Variants in PADI2 observed in about 807,000 individuals in gnomAD.
PADI2 encodes protein-arginine deiminase type-2.
Under a neutral mutation model 81.1 loss-of-function variants are expected in PADI2, and 70 were observed. That is an observed-to-expected ratio of 0.86 (90% CI 0.71 to 1.05). The LOEUF is 1.05. Among genes scored for constraint, PADI2 ranks in the 50% least tolerant of loss-of-function variants. The pLI is 0.00. For missense variants in PADI2, 853 were observed against 889.9 expected (o/e 0.96, Z 0.53); for synonymous variants, 338 against 358.0 (o/e 0.94, Z 0.63).
chr1:17,119,436 C>T lies in PADI2; in HGVS notation c.-65G>A. Reference sequence around the variant, plus strand: ...GCCGGGAGCACCTGCAGCAGGTGCGCCTTCTCCAGCAGCCTGCGCCCCACG... The same window carrying T: ...GCCGGGAGCACCTGCAGCAGGTGCGTCTTCTCCAGCAGCCTGCGCCCCACG... On this transcript the variant is annotated 5_prime_UTR_variant, in exon 1 of 16. Coordinates refer to ENST00000375486, the MANE Select transcript of PADI2 (RefSeq NM_007365.3). This position sits in a 1 kb window ranked among gnomAD's most constrained non-coding sequence, Gnocchi z 4.8. 8.0e-7 allele frequency: 1 copy of T among 1,248,816 alleles called. No individual in the cohort carries two copies. The highest frequency in any genetic ancestry group is 1.1e-6 in the Non-Finnish European group (1 of 908,074). The allele number at this position is 1,248,816 out of a possible 1,614,324, so 77.4% of individuals were successfully genotyped here. A position where few individuals can be genotyped will look rare whatever the true frequency, so the allele number is the denominator to read the frequency against.
chr1:17,103,149 C>T, intron 2 of PADI2, 90 bp from the exon 3 acceptor site: 1 of 912,748 alleles, frequency 1.1e-6, no homozygotes, highest in East Asian at 2.6e-5. Flanking sequence ...ACTGCTGTCC[C>T]TCACAGCTTG....
intron 4 of PADI2, among the ~76,000 whole-genome samples, chr1:17,094,250 G>C (rs555521907): frequency 1.3e-5 from 2 of 152,302 alleles, no homozygotes; most frequent in South Asian, 2.1e-4. Flanking sequence ...GGCTTGGAAG[G>C]CCTGGTGAAA....
At chr1:17,100,660 A>ACT in intron 3 of PADI2, among the ~76,000 whole-genome samples, 1 of 131,058 alleles carries the variant, frequency 7.6e-6, no homozygotes, top group South Asian at 2.4e-4. Context: ...TTGATAGCAA[A>ACT]TTTTTTTTTT....
chr1:17,114,123 C>T (rs1398515330), intron 1 of PADI2, among the ~76,000 whole-genome samples: 3 of 152,230 alleles, frequency 2.0e-5, no homozygotes, highest in Non-Finnish European at 4.4e-5. Flanking sequence ...TTCCTCCCAC[C>T]GTCATTCTCT....
intron 10 of PADI2, among the ~76,000 whole-genome samples, chr1:17,081,845 G>A (rs1478510274): frequency 6.6e-6 from 1 of 152,174 alleles, no homozygotes. Flanking sequence ...GAGTACAGTG[G>A]CTCACACCTG....
chr1:17,076,246 G>A (rs1226595263), intron 11 of PADI2, among the ~76,000 whole-genome samples: 1 of 151,588 alleles, frequency 6.6e-6, no homozygotes, highest in African/African-American at 2.4e-5. Context: ...ATGGAGTCTT[G>A]CTATGTTGCC....
chr1:17,072,918 C>T (rs867301011), intron 13 of PADI2, among the ~76,000 whole-genome samples: 1 of 152,098 alleles, frequency 6.6e-6, no homozygotes, highest in African/African-American at 2.4e-5. Context: ...CTTGCCAATC[C>T]AAGAACAAAC....
At chr1:17,075,319 C>T (rs559454372) in intron 12 of PADI2, 110 of 316,950 alleles carry the variant, frequency 3.5e-4, no homozygotes, top group Admixed American at 3.0e-4. Context: ...AGAGCATTAC[C>T]ACCAACACAA....
Position 17,082,608 on chromosome 1 carries a change from G to A in PADI2, c.1095C>T (p.Phe365=), listed in dbSNP as rs770951409. 1 of 1,612,106 alleles carries A rather than the reference G, an allele frequency of 6.2e-7. No individual in the cohort carries two copies. Among genetic ancestry groups the A allele is most frequent in the Non-Finnish European group, 8.5e-7 (1 of 1,179,342 alleles). ...CTCGGGGAGAGTCCAGCACCACGGG[G>A]AAGCCTTTATGGGGGGCCTCGATGT... The part of the protein sequence containing the change: ...FGYIEAPHKG[F]PVVLDSPRDG... The change falls in exon 10 of 16, where the codon TTC becomes TTT. Residue 365 remains phenylalanine, a synonymous_variant. Transcript: ENST00000375486.
intron 3 of PADI2, among the ~76,000 whole-genome samples, chr1:17,098,970 G>C (rs974332206): frequency 6.6e-6 from 1 of 152,206 alleles, no homozygotes; most frequent in Non-Finnish European, 1.5e-5. Context: ...GGGCCTCCAG[G>C]CTCCAGACGA....
In PADI2 at chr1:17,112,101, G is replaced by C. The variant is rs112127470; in HGVS notation, c.93-7040C>G. Among the ~76,000 whole-genome samples, 312 of 152,250 alleles carry C rather than the reference G, an allele frequency of 2.0e-3. 4 individuals carry two copies. Among genetic ancestry groups the C allele is most frequent in the Non-Finnish European group, 3.0e-3 (207 of 68,018 alleles). On this transcript the variant is annotated intron_variant, in intron 1 of 15. Coordinates refer to ENST00000375486, the MANE Select transcript of PADI2 (RefSeq NM_007365.3). ...TGCCCAGAATGCAGGGTGGGGGATG[G>C]ATTTCAGGAAAGCAACAGAGGAAGT...
Position 17,069,284 on chromosome 1 carries a change from C to T in PADI2, c.1765-7G>A, listed in dbSNP as rs747314891. 3.4e-5 allele frequency: 55 copies of T among 1,608,912 alleles called. No individual in the cohort carries two copies. The highest frequency in any genetic ancestry group is 3.1e-4 in the East Asian group (14 of 44,836). ...CCAGCACGATCATGTTCACCTGTGA[C>T]GGGGGATTGCGATGGCAACAGCTTC... On this transcript the variant is annotated splice_polypyrimidine_tract_variant and splice_region_variant and intron_variant, in intron 15 of 15. Transcript: ENST00000375486.
In PADI2 at chr1:17,119,299, G is replaced by T. The variant is rs571404817; in HGVS notation, c.73C>A (p.Leu25Ile). 3.2e-6 allele frequency: 5 copies of T among 1,558,626 alleles called. No homozygotes were observed. Among genetic ancestry groups the T allele is most frequent in the South Asian group, 1.2e-5 (1 of 84,550 alleles). ...GCTCACCTGTAGACATCGGTCCAGA[G>T]GTAGGTGCCCAGCACGTACACCGCC... ...VEAVYVLGTY[L>I]WTDVYSAAPA... Residue 25 changes from leucine (L) to isoleucine (I), a missense_variant, in exon 1 of 16, where the codon CTC becomes ATC. Coordinates refer to ENST00000375486, the MANE Select transcript of PADI2 (RefSeq NM_007365.3). The surrounding 1 kb of genome is among the most constrained non-coding windows in gnomAD (Gnocchi z 4.8).
chr1:17,112,952 C>A (rs939470696), intron 1 of PADI2, among the ~76,000 whole-genome samples: 5 of 152,220 alleles, frequency 3.3e-5, no homozygotes, highest in Non-Finnish European at 5.9e-5. Context: ...TGTGCCCCAA[C>A]TTCCCTGCCA....
At chr1:17,112,025 G>C (rs938699847) in intron 1 of PADI2, among the ~76,000 whole-genome samples, 3 of 152,140 alleles carry the variant, frequency 2.0e-5, no homozygotes, top group African/African-American at 7.2e-5. Context: ...TTCTAAGCAG[G>C]GGTGGCATGA....
At chr1:17,095,316 T>C (rs1930874882) in intron 4 of PADI2, among the ~76,000 whole-genome samples, 1 of 152,090 alleles carries the variant, frequency 6.6e-6, no homozygotes, top group African/African-American at 2.4e-5. Context: ...ACCACATGCC[T>C]CCTGAGAGTC....
At chr1:17,113,156 T>C (rs1029436525) in intron 1 of PADI2, among the ~76,000 whole-genome samples, 14 of 152,234 alleles carry the variant, frequency 9.2e-5, no homozygotes, top group Admixed American at 9.2e-4. Context: ...TTCCCATAAG[T>C]GCTATGAAGT....
In PADI2 at chr1:17,074,921, G is replaced by A. The variant is rs746982569; in HGVS notation, c.1484C>T (p.Ser495Leu). 8.8e-5 allele frequency: 142 copies of A among 1,612,916 alleles called. No homozygotes were observed. The highest frequency in any genetic ancestry group is 1.1e-4 in the Non-Finnish European group (133 of 1,179,468). ...KKFLLLMASTSACYKLFREKQ... is the reference protein window; with the variant it reads ...KKFLLLMASTLACYKLFREKQ... ...CTCTCGGAAGAGCTTGTAGCAGGCC[G>A]AGGTGCTGGCCATGAGTAGCAGGAA... Residue 495 changes from serine (S) to leucine (L), a missense_variant, in exon 13 of 16, where the codon TCG (serine) becomes TTG (leucine). By Grantham distance (145) the Ser-to-Leu change is moderately radical. Transcript: ENST00000375486.
At chr1:17,071,584 G>T in intron 13 of PADI2, 93 bp from the exon 14 acceptor site, 1 of 958,314 alleles carries the variant, frequency 1.0e-6, no homozygotes, top group Non-Finnish European at 1.7e-6. Flanking sequence ...TGGGCTAACT[G>T]CTGGACTGGG....
Sources: gnomAD v4.1 joint callset for allele counts (sites outside exome capture counted in the v4.1 genomes callset) on GRCh38, gnomAD v4.1.1 for gene constraint, Gnocchi (gnomAD v3.1) non-coding constraint, MANE v1.5 for transcripts, NCBI Gene and HGNC (gene_info 2026-07-23, HGNC 2026-07-21) for gene names.